ARID2: variants seen among roughly 807,000 people sequenced by gnomAD.
The protein encoded by ARID2 is AT-rich interaction domain 2.
ARID2 carries 32 observed loss-of-function variants against 184.6 expected under a neutral mutation model. That is an observed-to-expected ratio of 0.17 (90% CI 0.13 to 0.23). The LOEUF is 0.23. ARID2 is among the 10% of genes least tolerant of loss of function. The pLI is 1.00. For synonymous variants in ARID2, 836 were observed against 772.6 expected, an observed-to-expected ratio of 1.08 and a Z score of -1.36; for missense variants, 1,696 against 2,197.6, an observed-to-expected ratio of 0.77 and a Z score of 4.56.
At chr12:45,841,298 C>T (rs1476112547) in intron 11 of ARID2, 4 of 152,124 alleles carry the variant, frequency 2.6e-5, no homozygotes, top group African/African-American at 9.7e-5. Context: ...ATTTGGTCCT[C>T]ATTTGGCAAA....
chr12:45,877,957 A>G (rs1944038061), intron 16 of ARID2, among the ~76,000 whole-genome samples: 1 of 152,086 alleles, frequency 6.6e-6, no homozygotes, highest in Non-Finnish European at 1.5e-5. Context: ...GAGAAAGTCT[A>G]TTTCTCCTTG....
chr12:45,897,872 T>C (rs998421996), intron 20 of ARID2, among the ~76,000 whole-genome samples: 7 of 151,628 alleles, frequency 4.6e-5, no homozygotes, highest in African/African-American at 1.7e-4. Context: ...TGAGACGGGG[T>C]CTCACTCAGT....
rs2138177423 is a variant in ARID2, at chr12:45,852,274, A to G, written c.4151A>G (p.His1384Arg). Residue 1384 changes from histidine to arginine, a missense_variant, in exon 15 of 21, where the codon CAT becomes CGT. Physicochemically the swap from His to Arg is conservative, Grantham distance 29 (BLOSUM62 0). Transcript: ENST00000334344. Reference protein sequence around the residue: ...KNIPNHKTSNHVGNGEISPME... With the variant: ...KNIPNHKTSNRVGNGEISPME... ...ATTCCAAATCATAAAACTTCCAATC[A>G]TGTAGGAAATGGTGAGATATCTCCA... 1 of 1,614,142 alleles carries G rather than the reference A, an allele frequency of 6.2e-7. No individual in the cohort carries two copies. The highest frequency in any genetic ancestry group is 8.5e-7 in the Non-Finnish European group (1 of 1,180,004).
At chr12:45,752,192 T>A (rs1941476818) in intron 3 of ARID2, among the ~76,000 whole-genome samples, 1 of 152,214 alleles carries the variant, frequency 6.6e-6, no homozygotes, top group South Asian at 2.1e-4. Context: ...TCCTAGCATA[T>A]GCAGATAAAA....
chr12:45,861,999 TGATATA>T (rs1170911397), intron 16 of ARID2, among the ~76,000 whole-genome samples: 1 of 152,228 alleles, frequency 6.6e-6, no homozygotes, highest in Non-Finnish European at 1.5e-5. Flanking sequence ...CATATTTTTG[TGATATA>T]GATATTATAC....
chr12:45,850,369 C>G lies in ARID2; in HGVS notation c.2246C>G (p.Thr749Arg), dbSNP rs138384363. Residue 749 changes from threonine (T) to arginine (R), a missense_variant, in exon 15 of 21, where the codon ACA (threonine) becomes AGA (arginine). By Grantham distance (71) the Thr-to-Arg change is moderately conservative (BLOSUM62 -1). Transcript: ENST00000334344. The part of the protein sequence containing the change: ...PQSSVVQNHS[T>R]GPQPVTVVNS... The stretch of plus-strand genomic sequence containing the variant: ...AGTTCTGTTGTTCAGAATCATAGTA[C>G]AGGGCCACAACCTGTTACAGTTGTG... 1 of 1,614,086 alleles carries G rather than the reference C, an allele frequency of 6.2e-7. No individual in the cohort carries two copies. Among genetic ancestry groups the G allele is most frequent in the Non-Finnish European group, 8.5e-7 (1 of 1,179,982 alleles).
At chr12:45,793,023 G>T (rs956580222) in intron 3 of ARID2, among the ~76,000 whole-genome samples, 9 of 152,116 alleles carry the variant, frequency 5.9e-5, no homozygotes, top group African/African-American at 2.4e-5. Flanking sequence ...TTTGGGCCGG[G>T]TGCAGTGGCT....
At chr12:45,781,832 A>G (rs964456639) in intron 3 of ARID2, among the ~76,000 whole-genome samples, 1 of 152,204 alleles carries the variant, frequency 6.6e-6, no homozygotes, top group African/African-American at 2.4e-5. Context: ...CTCTTAGCTA[A>G]AGGAACCTGT....
intron 3 of ARID2, among the ~76,000 whole-genome samples, chr12:45,742,957 G>A (rs1257206293): frequency 6.6e-6 from 1 of 152,078 alleles, no homozygotes; most frequent in African/African-American, 2.4e-5. Context: ...ACTTTGCTCT[G>A]TTGTCTGGCT....
chr12:45,772,501 A>G (rs556136924), intron 3 of ARID2, among the ~76,000 whole-genome samples: 3 of 152,232 alleles, frequency 2.0e-5, no homozygotes, highest in Non-Finnish European at 4.4e-5. Context: ...TGCTCTCTAC[A>G]GGAGACACAC....
At chr12:45,783,298 A>G (rs1303911344) in intron 3 of ARID2, among the ~76,000 whole-genome samples, 2 of 152,226 alleles carry the variant, frequency 1.3e-5, no homozygotes, top group African/African-American at 4.8e-5. Flanking sequence ...TAAATATGAA[A>G]TTAGCTAATT....
At chr12:45,766,816 C>T (rs1013977606) in intron 3 of ARID2, among the ~76,000 whole-genome samples, 6 of 149,758 alleles carry the variant, frequency 4.0e-5, no homozygotes, top group African/African-American at 1.5e-4. Flanking sequence ...GCCCAGCCGG[C>T]ATATATTTAA....
chr12:45,799,715 A>C (rs1167863974), intron 3 of ARID2, among the ~76,000 whole-genome samples: 1 of 152,246 alleles, frequency 6.6e-6, no homozygotes, highest in Non-Finnish European at 1.5e-5. Flanking sequence ...GTAAGTACCA[A>C]GGTAATCAAT....
At chr12:45,753,296 CAA>C (rs577425733) in intron 3 of ARID2, among the ~76,000 whole-genome samples, 8 of 130,792 alleles carry the variant, frequency 6.1e-5, no homozygotes, top group African/African-American at 5.6e-5. Context: ...AACTCCATCT[CAA>C]AAAAAAAAAA....
chr12:45,887,566 A>G (rs1412339574), intron 16 of ARID2, among the ~76,000 whole-genome samples: 1 of 152,230 alleles, frequency 6.6e-6, no homozygotes, highest in Non-Finnish European at 1.5e-5. Flanking sequence ...TTTTCACACA[A>G]CCAGGAAAGA....
intron 3 of ARID2, among the ~76,000 whole-genome samples, chr12:45,808,885 C>A (rs910739738): frequency 1.3e-5 from 2 of 152,146 alleles, no homozygotes; most frequent in South Asian, 2.1e-4. Context: ...GTACTTCAGC[C>A]ACCTGAGTAG....
intron 3 of ARID2, among the ~76,000 whole-genome samples, chr12:45,743,204 A>T (rs1184869029): frequency 1.3e-5 from 2 of 151,880 alleles, no homozygotes; most frequent in African/African-American, 4.8e-5. Context: ...AAATAAAAAA[A>T]AAAAACATAC....
In ARID2 at chr12:45,850,084, C is replaced by T; in HGVS notation, c.1961C>T (p.Pro654Leu). 1.9e-6 allele frequency: 3 copies of T among 1,614,004 alleles called. No homozygotes were observed. ...ATAGGAAACCATTTTCAGAGGACTC[C>T]TGTTGCCAACCAATCTTCAAATCTG... is the stretch of plus-strand genomic sequence containing the variant. ...QTIGNHFQRTPVANQSSNLTA... is the reference protein window; with the variant it reads ...QTIGNHFQRTLVANQSSNLTA... Residue 654 changes from proline (P) to leucine (L), a missense_variant, in exon 15 of 21, where the codon CCT becomes CTT. By Grantham distance (98) the Pro-to-Leu change is moderately conservative. This residue lies in a region of ARID2 where 713 missense variants were observed against 824.4 expected (regional missense o/e 0.86). Transcript: ENST00000334344.
At position 45,839,240 on chromosome 12, in the gene ARID2, A is replaced by G. The variant is rs1242507413; in HGVS notation, c.1331-89A>G. On this transcript the variant is annotated intron_variant, in intron 10 of 20. Transcript: ENST00000334344. ...CATGGACTAGCATTTATTCACATTG[A>G]TAAGTATTCTGTACAACATGTGTTC... 3.4e-6 allele frequency: 4 copies of G among 1,178,214 alleles called. No homozygotes were observed. In the African/African-American group the frequency reaches 6.3e-5, roughly 18 times the overall value. 73.0% of individuals were successfully genotyped at this position (1,178,214 alleles called of 1,614,324 possible). A position where few individuals can be genotyped will look rare whatever the true frequency, so the allele number is the denominator to read the frequency against.
Sources: gnomAD v4.1 joint callset for allele counts (sites outside exome capture counted in the v4.1 genomes callset) on GRCh38, gnomAD v4.1.1 for gene constraint, gnomAD v4.1.1 regional missense constraint, MANE v1.5 for transcripts, NCBI Gene and HGNC (gene_info 2026-07-23, HGNC 2026-07-21) for gene names.